Variants in ANKRD10 observed in about 807,000 individuals in gnomAD.
ANKRD10 encodes the protein ankyrin repeat domain 10.
ANKRD10 carries 14 observed loss-of-function variants against 27.0 expected under a neutral mutation model. The observed-to-expected ratio is 0.52, with a 90% CI of 0.34 to 0.81. ANKRD10 has a LOEUF of 0.81. Ranked by LOEUF, ANKRD10 falls within the 40% of genes least tolerant of loss-of-function variation. The pLI is 0.01. For synonymous variants in ANKRD10, 250 were observed against 224.5 expected, an observed-to-expected ratio of 1.11 and a Z score of -1.01; for missense variants, 493 against 544.0, an observed-to-expected ratio of 0.91 and a Z score of 0.93.
intron 4 of ANKRD10, chr13:110,892,613 A>C (rs2065110878): frequency 3.6e-6 from 2 of 557,378 alleles, no homozygotes; most frequent in South Asian, 7.1e-5. Flanking sequence ...CGAATGTGAA[A>C]ATGTTTTACT....
intron 3 of ANKRD10, chr13:110,894,326 G>C (rs961953943): frequency 1.7e-5 from 7 of 416,136 alleles, no homozygotes; most frequent in African/African-American, 1.4e-4. Flanking sequence ...AAAGCATGAT[G>C]AAATCAAGGC....
Position 110,879,130 on chromosome 13 carries a change from A to G in ANKRD10, c.*507T>C. The G allele has an allele frequency of 6.2e-6, 1 of 161,832 alleles. No individual in the cohort carries two copies. The highest frequency in any genetic ancestry group is 1.7e-4 in the South Asian group (1 of 6,050). The allele number at this position is 161,832 out of a possible 1,614,324, so 10.0% of individuals were successfully genotyped here. A position where few individuals can be genotyped will look rare whatever the true frequency, so the allele number is the denominator to read the frequency against. On this transcript the variant is annotated 3_prime_UTR_variant, in exon 6 of 6. Transcript: ENST00000267339. ...GATCTGCAAAGCTTCATTGAAAAAG[A>G]CAAACGTTCTCTTCTTCACACAAAT...
chr13:110,913,875 C>T (rs377391454), intron 1 of ANKRD10, among the ~76,000 whole-genome samples: 1 of 152,176 alleles, frequency 6.6e-6, no homozygotes, highest in Non-Finnish European at 1.5e-5. Context: ...AGTACCCCAA[C>T]GACTTCACAG....
At chr13:110,914,654 C>T in intron 1 of ANKRD10, 71 bp downstream of exon 1, 1 of 1,498,800 alleles carries the variant, frequency 6.7e-7, no homozygotes, top group Non-Finnish European at 9.0e-7. Context: ...GTCCCCCGCA[C>T]CTCAGACCCG....
At chr13:110,908,891 G>A (rs978855672) in intron 2 of ANKRD10, among the ~76,000 whole-genome samples, 2 of 152,218 alleles carry the variant, frequency 1.3e-5, no homozygotes, top group Non-Finnish European at 1.5e-5. Flanking sequence ...GCACATGTGA[G>A]GACTTGGAAA....
rs61173252 is a variant in ANKRD10 at position 110,912,408 on chromosome 13, G to A, written c.211-1638C>T. Among the ~76,000 whole-genome samples, 56 of 152,334 alleles carry A rather than the reference G, an allele frequency of 3.7e-4. No individual in the cohort carries two copies. The East Asian group carries it at 0.011, about 29-fold the overall frequency. ...CTTGGACCTGGGAGTAAAGGCTGATGTCTATTTATTGCCTTTATTAATTCA... is the reference window on the plus strand; with the variant it reads ...CTTGGACCTGGGAGTAAAGGCTGATATCTATTTATTGCCTTTATTAATTCA... On this transcript the variant is annotated intron_variant, in intron 1 of 5. Coordinates refer to ENST00000267339, the MANE Select transcript of ANKRD10 (RefSeq NM_017664.4).
Position 110,893,143 on chromosome 13 carries a change from G to A in ANKRD10, c.576C>T (p.Gly192=), listed in dbSNP as rs753772016. 1 of 1,614,136 alleles carries A rather than the reference G, an allele frequency of 6.2e-7. No homozygotes were observed. Among genetic ancestry groups the A allele is most frequent in the South Asian group, 1.1e-5 (1 of 91,088 alleles). The change falls in exon 4 of 6, where the codon GGC becomes GGT. Residue 192 remains glycine (G), a synonymous_variant. Coordinates refer to ENST00000267339, the MANE Select transcript of ANKRD10 (RefSeq NM_017664.4). ...NCHLNHFYNN[G]ILNGGHQNVF... ...CATTCTGATGACCCCCATTTAAGAT[G>A]CCATTGTTATAGAAATGGTTCAGAT...
At chr13:110,901,239 A>G (rs1158322385) in intron 3 of ANKRD10, among the ~76,000 whole-genome samples, 1 of 152,252 alleles carries the variant, frequency 6.6e-6, no homozygotes, top group Non-Finnish European at 1.5e-5. Flanking sequence ...CTCTTATTTA[A>G]TTATGAAGAC....
At chr13:110,902,722 C>G (rs1190893551) in intron 3 of ANKRD10, among the ~76,000 whole-genome samples, 1 of 152,166 alleles carries the variant, frequency 6.6e-6, no homozygotes, top group Non-Finnish European at 1.5e-5. Flanking sequence ...TAGAAAAGTT[C>G]TGAGACTCTG....
At chr13:110,896,245 T>C (rs982237207) in intron 3 of ANKRD10, among the ~76,000 whole-genome samples, 1 of 152,248 alleles carries the variant, frequency 6.6e-6, no homozygotes, top group African/African-American at 2.4e-5. Flanking sequence ...GCACTATCTA[T>C]GCAGCATTAT....
Position 110,879,471 on chromosome 13 carries a change from CACAA to C in ANKRD10, c.*162_*165del. 1.6e-6 allele frequency: 1 copy of C among 618,772 alleles called. No individual in the cohort carries two copies. Among genetic ancestry groups the C allele is most frequent in the Non-Finnish European group, 2.8e-6 (1 of 352,468 alleles). 38.3% of individuals were successfully genotyped at this position (618,772 alleles called of 1,614,324 possible). A position where few individuals can be genotyped will look rare whatever the true frequency, so the allele number is the denominator to read the frequency against. On this transcript the variant is annotated 3_prime_UTR_variant, in exon 6 of 6. Coordinates refer to ENST00000267339, the MANE Select transcript of ANKRD10 (RefSeq NM_017664.4). ...ATGCACTTAGTAAGCCCTACTCATG[CACAA>C]ACAAGCAGTTGCTGGGAACTTGTCG...
chr13:110,891,871 CTTT>C (rs10553815), intron 4 of ANKRD10, among the ~76,000 whole-genome samples: 4,109 of 121,148 alleles, frequency 0.034, 143 homozygotes, highest in South Asian at 0.2. Context: ...CTTATTAAGA[CTTT>C]TTTTTTTTTT....
In ANKRD10 at chr13:110,879,531, T is replaced by TTCTG; in HGVS notation, c.*105_*106insCAGA. On this transcript the variant is annotated 3_prime_UTR_variant, in exon 6 of 6. Coordinates refer to ENST00000267339, the MANE Select transcript of ANKRD10 (RefSeq NM_017664.4). ...TACTTTTTCAGAAAGTTGAAGTATATAAAAAACGTACAAGTTGTGACATTC... is the reference window on the plus strand; with the variant it reads ...TACTTTTTCAGAAAGTTGAAGTATATTCTGAAAAAACGTACAAGTTGTGACATTC... 1 of 870,454 alleles carries TTCTG rather than the reference T, an allele frequency of 1.1e-6. No homozygotes were observed. The highest frequency in any genetic ancestry group is 1.7e-5 in the South Asian group (1 of 58,488). 53.9% of individuals were successfully genotyped at this position (870,454 alleles called of 1,614,324 possible).
At chr13:110,913,622 AGG>A (rs1257013103) in intron 1 of ANKRD10, among the ~76,000 whole-genome samples, 3 of 152,220 alleles carry the variant, frequency 2.0e-5, no homozygotes, top group Non-Finnish European at 4.4e-5. Context: ...ATGTAGCACC[AGG>A]GGCAGCAAGG....
At position 110,879,535 on chromosome 13, in the gene ANKRD10, A is replaced by G; in HGVS notation, c.*102T>C. 3.3e-6 allele frequency: 3 copies of G among 905,254 alleles called. No individual in the cohort carries two copies. The highest frequency in any genetic ancestry group is 5.0e-6 in the Non-Finnish European group (3 of 598,956). The allele number at this position is 905,254 out of a possible 1,614,324, so 56.1% of individuals were successfully genotyped here. The stretch of plus-strand genomic sequence containing the variant: ...TTTTCAGAAAGTTGAAGTATATAAA[A>G]AACGTACAAGTTGTGACATTCGTTC... On this transcript the variant is annotated 3_prime_UTR_variant, in exon 6 of 6. Transcript: ENST00000267339.
Position 110,883,751 on chromosome 13 carries a change from G to A in ANKRD10, c.734C>T (p.Thr245Ile), listed in dbSNP as rs746337397. Residue 245 changes from threonine (T) to isoleucine (I), a missense_variant, in exon 5 of 6, where the codon ACA becomes ATA. By Grantham distance (89) the Thr-to-Ile change is moderately conservative. Transcript: ENST00000267339. ...GTGCATTTTGTCAGCATCGTCTTCT[G>A]TGTCGCCATTCGTGAGTGGCACGGC... ...DSAVPLTNGD[T>I]EDDADKMHVD... 1 of 1,614,194 alleles carries A rather than the reference G, an allele frequency of 6.2e-7. No individual in the cohort carries two copies.
At chr13:110,891,306 AACT>A (rs2065066683) in intron 4 of ANKRD10, among the ~76,000 whole-genome samples, 2 of 152,220 alleles carry the variant, frequency 1.3e-5, no homozygotes, top group Non-Finnish European at 1.5e-5. Flanking sequence ...AAGGCGTTGA[AACT>A]ACATTAGAAA....
At position 110,910,648 on chromosome 13, in the gene ANKRD10, C is replaced by G; in HGVS notation, c.333G>C (p.Leu111=). Residue 111 remains leucine (L), a synonymous_variant, in exon 2 of 6, where the codon CTG becomes CTC. Coordinates refer to ENST00000267339, the MANE Select transcript of ANKRD10 (RefSeq NM_017664.4). The part of the protein sequence containing the change: ...FGGHPQCLVW[L]IQAGANINKP... ...TGTTAATGTTGGCTCCTGCTTGAAT[C>G]AGCCAGACCAGGCACTGAGGATGTC... The G allele has an allele frequency of 6.2e-7, 1 of 1,614,160 alleles. No individual in the cohort carries two copies. Among genetic ancestry groups the G allele is most frequent in the South Asian group, 1.1e-5 (1 of 91,074 alleles).
At chr13:110,895,545 C>T (rs1263310583) in intron 3 of ANKRD10, among the ~76,000 whole-genome samples, 2 of 152,178 alleles carry the variant, frequency 1.3e-5, no homozygotes, top group Non-Finnish European at 2.9e-5. Context: ...CGAGATCACA[C>T]CACTGCACTC....
Sources: gnomAD v4.1 joint callset for allele counts (sites outside exome capture counted in the v4.1 genomes callset) on GRCh38, gnomAD v4.1.1 for gene constraint, MANE v1.5 for transcripts, NCBI Gene and HGNC (gene_info 2026-07-23, HGNC 2026-07-21) for gene names.